Variants in CSMD3 observed in about 807,000 individuals in gnomAD.
CSMD3 encodes the protein CUB and Sushi multiple domains 3.
In CSMD3, 177 loss-of-function variants were observed where a neutral mutation model predicts 435.2. The ratio of observed to expected loss-of-function variants is 0.41; its 90% CI spans 0.36 to 0.46. The LOEUF (loss-of-function observed/expected upper bound fraction) is 0.46, where lower values mean the gene tolerates loss of function less well. CSMD3 is among the 20% of genes least tolerant of loss of function. CSMD3 has a pLI of 0.34. For synonymous variants in CSMD3, 1,656 were observed against 1,520.5 expected (o/e 1.09, Z -2.07); for missense variants, 4,265 against 4,504.6 (o/e 0.95, Z 1.52).
At chr8:112,228,938 A>C in intron 69 of CSMD3, 47 bp from the exon 70 acceptor site, 1 of 1,025,594 alleles carries the variant, frequency 9.8e-7, no homozygotes, top group Non-Finnish European at 1.5e-6. Context: ...TTTTATCATA[A>C]TTAATTTCTA....
At chr8:112,594,439 G>A (rs1286799684) in intron 22 of CSMD3, among the ~76,000 whole-genome samples, 3 of 152,190 alleles carry the variant, frequency 2.0e-5, no homozygotes, top group African/African-American at 4.8e-5. Context: ...CCAGGCTGGG[G>A]GAGGGGCGCC....
At chr8:112,230,982 C>T (rs940918244) in intron 69 of CSMD3, among the ~76,000 whole-genome samples, 1 of 152,064 alleles carries the variant, frequency 6.6e-6, no homozygotes, top group Non-Finnish European at 1.5e-5. Context: ...TCTTGCCAGA[C>T]CATTAAAGGT....
intron 13 of CSMD3, among the ~76,000 whole-genome samples, chr8:112,781,344 G>A (rs2078380461): frequency 6.6e-6 from 1 of 151,816 alleles, no homozygotes; most frequent in African/African-American, 2.4e-5. Flanking sequence ...TTCTACTTGA[G>A]GAAAAAAGAG....
At chr8:113,260,641 A>T in intron 3 of CSMD3, among the ~76,000 whole-genome samples, 1 of 152,026 alleles carries the variant, frequency 6.6e-6, no homozygotes, top group East Asian at 1.9e-4. Flanking sequence ...AAGTTCTGGG[A>T]TACATGTGCA....
At position 112,550,714 on chromosome 8, in the gene CSMD3, C is replaced by T. The variant is rs16883806; in HGVS notation, c.4521G>A (p.Thr1507=). 3.5e-3 allele frequency: 5,653 copies of T among 1,608,004 alleles called. 195 individuals are homozygous for T. The African/African-American group carries it at 0.065, about 18-fold the overall frequency. ...TLNIVTIQFD[T]DFYISKSGFA... ...ATCCAGATTTGCTAATATAAAAATC[C>T]GTGTCAAACTGGATGGTTACTATAT... The change falls in exon 27 of 71, where the codon ACG becomes ACA. Residue 1507 remains threonine (T), a synonymous_variant. Transcript: ENST00000297405.
intron 6 of CSMD3, among the ~76,000 whole-genome samples, chr8:112,999,512 A>C (rs879844981): frequency 2.6e-5 from 4 of 151,860 alleles, no homozygotes; most frequent in Non-Finnish European, 4.4e-5. Context: ...CTTTTTACTC[A>C]GTGAGATGGA....
chr8:113,303,923 A>G (rs902521480), intron 2 of CSMD3, among the ~76,000 whole-genome samples: 1 of 138,406 alleles, frequency 7.2e-6, no homozygotes, highest in African/African-American at 2.6e-5. Context: ...GGATCTAATT[A>G]AACTAAAGAG....
chr8:113,163,527 G>T (rs1429966210), intron 4 of CSMD3, among the ~76,000 whole-genome samples: 1 of 151,690 alleles, frequency 6.6e-6, no homozygotes, highest in Non-Finnish European at 1.5e-5. Flanking sequence ...TATAAAATGT[G>T]AAAATATATA....
intron 45 of CSMD3, among the ~76,000 whole-genome samples, chr8:112,324,876 T>A (rs760517256): frequency 2.0e-5 from 3 of 151,650 alleles, no homozygotes; most frequent in Non-Finnish European, 4.4e-5. Flanking sequence ...ACTACTAGAG[T>A]CTATATTGCA....
chr8:112,397,488 T>C (rs1490927975), intron 35 of CSMD3, among the ~76,000 whole-genome samples: 1 of 152,188 alleles, frequency 6.6e-6, no homozygotes, highest in Non-Finnish European at 1.5e-5. Context: ...ATTCAGGCCA[T>C]AGCAAAATAC....
intron 3 of CSMD3, among the ~76,000 whole-genome samples, chr8:113,223,014 G>T (rs2132139653): frequency 6.6e-6 from 1 of 150,592 alleles, no homozygotes; most frequent in South Asian, 2.1e-4. Flanking sequence ...TACTTCCTGA[G>T]ATATACTTCA....
intron 63 of CSMD3, among the ~76,000 whole-genome samples, chr8:112,250,044 C>T (rs953084480): frequency 7.9e-5 from 12 of 152,084 alleles, no homozygotes; most frequent in East Asian, 1.9e-4. Flanking sequence ...GAATATTTAA[C>T]GTCTATCAGT....
At chr8:112,765,653 A>G (rs2077959979) in intron 13 of CSMD3, among the ~76,000 whole-genome samples, 1 of 151,640 alleles carries the variant, frequency 6.6e-6, no homozygotes. Flanking sequence ...AAGCCTTACC[A>G]TGGCTAAGTT....
intron 63 of CSMD3, among the ~76,000 whole-genome samples, chr8:112,247,838 G>C (rs1278797926): frequency 6.6e-6 from 1 of 152,038 alleles, no homozygotes; most frequent in Non-Finnish European, 1.5e-5. Flanking sequence ...AAGCCCTTTG[G>C]GTGGTGGTAA....
chr8:112,889,014 TA>T (rs1440770926), intron 10 of CSMD3, among the ~76,000 whole-genome samples: 2 of 151,690 alleles, frequency 1.3e-5, no homozygotes, highest in African/African-American at 4.8e-5. Flanking sequence ...TGGATATTTT[TA>T]GAAAGTTAAA....
intron 27 of CSMD3, among the ~76,000 whole-genome samples, chr8:112,538,576 T>A (rs1826355967): frequency 6.6e-6 from 1 of 151,374 alleles, no homozygotes; most frequent in Non-Finnish European, 1.5e-5. Context: ...TGAAAAAAAA[T>A]CATGAAATAA....
chr8:113,159,945 T>A (rs2092007115), intron 4 of CSMD3, among the ~76,000 whole-genome samples: 2 of 150,618 alleles, frequency 1.3e-5, no homozygotes, highest in South Asian at 4.2e-4. Context: ...CAAGTCAGAA[T>A]ATATATATAT....
intron 3 of CSMD3, among the ~76,000 whole-genome samples, chr8:113,233,931 A>C (rs886126800): frequency 1.3e-5 from 2 of 152,036 alleles, no homozygotes; most frequent in Admixed American, 1.3e-4. Flanking sequence ...CAGAATTTCC[A>C]CATTTTCATA....
intron 12 of CSMD3, among the ~76,000 whole-genome samples, chr8:112,823,874 C>A (rs916839282): frequency 2.0e-5 from 3 of 152,026 alleles, no homozygotes; most frequent in Non-Finnish European, 4.4e-5. Flanking sequence ...TTTGAATATC[C>A]TTGTTAATTT....
Sources: allele counts gnomAD v4.1 joint callset (sites outside exome capture counted in the v4.1 genomes callset), GRCh38; gene constraint gnomAD v4.1.1; transcripts MANE v1.5; gene names NCBI Gene and HGNC (gene_info 2026-07-23, HGNC 2026-07-21).